The following SAMSN1 variants were observed in gnomAD, a reference collection of about 807,000 sequenced individuals.
The protein encoded by SAMSN1 is SAM domain, SH3 domain and nuclear localization signals 1, also known as SAM domain-containing protein SAMSN-1.
Under a neutral mutation model 42.0 loss-of-function variants are expected in SAMSN1, and 31 were observed. The observed-to-expected ratio is 0.74, with a 90% CI of 0.55 to 1.00. The LOEUF (loss-of-function observed/expected upper bound fraction) is 1.00. SAMSN1 is among the 50% of genes least tolerant of loss of function. The pLI, the probability that SAMSN1 is intolerant of heterozygous loss-of-function variation, is 0.00. For synonymous variants in SAMSN1, 178 were observed against 151.9 expected (o/e 1.17, Z -1.26); for missense variants, 464 against 439.4 (o/e 1.06, Z -0.50).
chr21:14,602,373 TA>T (rs1294195151), intron 5 of SAMSN1, among the ~76,000 whole-genome samples: 1 of 152,166 alleles, frequency 6.6e-6, no homozygotes, highest in Non-Finnish European at 1.5e-5. Context: ...CCTTTCTTGG[TA>T]ATAATAGGAT....
At chr21:14,498,249 G>A (rs1986991062) in intron 7 of SAMSN1, among the ~76,000 whole-genome samples, 193 bp downstream of exon 7, 2 of 152,142 alleles carry the variant, frequency 1.3e-5, no homozygotes, top group African/African-American at 4.8e-5. Flanking sequence ...GTCCAATAAG[G>A]AAATAAGTTC....
intron 2 of SAMSN1, chr21:14,582,049 A>G (rs1568818566): frequency 1.6e-6 from 2 of 1,238,226 alleles, no homozygotes; most frequent in Non-Finnish European, 2.2e-6. Flanking sequence ...GATAAATTTC[A>G]CTGATTAGCA....
intron 2 of SAMSN1, among the ~76,000 whole-genome samples, chr21:14,621,155 A>T (rs375072254): frequency 9.2e-5 from 14 of 152,192 alleles, no homozygotes; most frequent in African/African-American, 3.4e-4. Context: ...ATGATTATGA[A>T]ACTTCAAAGG....
intron 2 of SAMSN1, among the ~76,000 whole-genome samples, chr21:14,562,090 A>G (rs114347705): frequency 9.6e-4 from 147 of 152,362 alleles, no homozygotes; most frequent in African/African-American, 3.3e-3. Flanking sequence ...ACTATGCTCA[A>G]TAGTGTAGAG....
intron 2 of SAMSN1, among the ~76,000 whole-genome samples, chr21:14,639,185 A>G (rs1281658809): frequency 3.3e-5 from 5 of 152,190 alleles, no homozygotes; most frequent in Non-Finnish European, 5.9e-5. Context: ...GTTAGCCCCA[A>G]ATTGGCAGAG....
At chr21:14,494,555 C>G (rs1302201575) in intron 7 of SAMSN1, among the ~76,000 whole-genome samples, 1 of 152,004 alleles carries the variant, frequency 6.6e-6, no homozygotes, top group Non-Finnish European at 1.5e-5. Flanking sequence ...CACTGCTTGT[C>G]AGGGGGTGGG....
At chr21:14,562,260 T>A (rs1980970048) in intron 2 of SAMSN1, among the ~76,000 whole-genome samples, 1 of 152,202 alleles carries the variant, frequency 6.6e-6, no homozygotes, top group Non-Finnish European at 1.5e-5. Context: ...GAGATATACC[T>A]TTCTTCCAAT....
intron 1 of SAMSN1, among the ~76,000 whole-genome samples, chr21:14,529,344 C>T (rs193095104): frequency 6.6e-6 from 1 of 152,314 alleles, no homozygotes; most frequent in East Asian, 1.9e-4. Flanking sequence ...AAAAATCCTA[C>T]AGTCGTGAGA....
At position 14,503,976 on chromosome 21, in the gene SAMSN1, G is replaced by C. The variant is rs1384069159; in HGVS notation, c.562-3241C>G. Among the ~76,000 whole-genome samples the C allele has an allele frequency of 3.3e-5, 5 of 152,154 alleles. No individual in the cohort carries two copies. In the East Asian group the frequency reaches 9.6e-4, roughly 29 times the overall value. On this transcript the variant is annotated intron_variant, in intron 5 of 7. Transcript: ENST00000400566. ...TACCAGCCTGGAGCCTGGTAGACTA[G>C]TTGGGTGGCTAGATGTAGAAGACAG...
At chr21:14,593,277 G>C (rs1982146791) in intron 7 of SAMSN1, among the ~76,000 whole-genome samples, 1 of 152,078 alleles carries the variant, frequency 6.6e-6, no homozygotes, top group Non-Finnish European at 1.5e-5. Context: ...TACATTTTGG[G>C]AAGCAATGGT....
chr21:14,577,173 A>G (rs1354247537), intron 2 of SAMSN1, among the ~76,000 whole-genome samples: 1 of 123,920 alleles, frequency 8.1e-6, no homozygotes, highest in Non-Finnish European at 1.6e-5. Flanking sequence ...CTCCTGCCTC[A>G]GCCTCTCGAG....
rs546930039 is a variant in SAMSN1 at position 14,582,318 on chromosome 21, A to G, written c.79T>C (p.Leu27=). 1.2e-5 allele frequency: 19 copies of G among 1,550,640 alleles called. No individual in the cohort carries two copies. In the East Asian group the frequency reaches 4.2e-4, roughly 34 times the overall value. ...TAAGCTTCACCTTCATACCAAGCTAATTTATCTTCCAAGTTGCAGTTATTT... is the reference window on the plus strand; with the variant it reads ...TAAGCTTCACCTTCATACCAAGCTAGTTTATCTTCCAAGTTGCAGTTATTT... The change falls in exon 2 of 9, where the codon TTA becomes CTA. Residue 27 remains leucine (L), a synonymous_variant. Coordinates refer to the SAMSN1 transcript ENST00000285670.
intron 7 of SAMSN1, among the ~76,000 whole-genome samples, chr21:14,491,154 A>G (rs1986667503): frequency 1.3e-5 from 2 of 152,236 alleles, no homozygotes; most frequent in African/African-American, 2.4e-5. Flanking sequence ...ACCCATTTAC[A>G]TGATGAAGGA....
At chr21:14,549,939 A>AAC (rs1980545622), upstream of SAMSN1, among the ~76,000 whole-genome samples, 5 of 151,002 alleles carry the variant, frequency 3.3e-5, no homozygotes, top group Admixed American at 1.3e-4. Flanking sequence ...AAAAAAAAAA[A>AAC]CTCTTTCTTT....
At chr21:14,555,284 T>C (rs371227843) in intron 2 of SAMSN1, among the ~76,000 whole-genome samples, 19 of 152,254 alleles carry the variant, frequency 1.2e-4, no homozygotes, top group African/African-American at 4.3e-4. Context: ...TTTCTATCCT[T>C]CTCCCAAATC....
intron 1 of SAMSN1, among the ~76,000 whole-genome samples, chr21:14,657,375 G>A (rs1983933919): frequency 6.6e-6 from 1 of 151,780 alleles, no homozygotes; most frequent in Non-Finnish European, 1.5e-5. Flanking sequence ...TTGAGTCCAT[G>A]AGTCAGGACT....
intron 1 of SAMSN1, among the ~76,000 whole-genome samples, chr21:14,525,439 T>TA (rs1218812820): frequency 6.6e-6 from 1 of 152,080 alleles, no homozygotes; most frequent in Non-Finnish European, 1.5e-5. Flanking sequence ...CAAATCAATA[T>TA]AAAAAAATTT....
chr21:14,512,294 G>A (rs1242949872), intron 4 of SAMSN1, 150 bp downstream of exon 4: 2 of 787,598 alleles, frequency 2.5e-6, no homozygotes, highest in African/African-American at 1.7e-5. Context: ...TTAAACAATA[G>A]CAACTCTATA....
chr21:14,609,212 G>A (rs563861603), intron 5 of SAMSN1, among the ~76,000 whole-genome samples: 1 of 151,538 alleles, frequency 6.6e-6, no homozygotes, highest in Non-Finnish European at 1.5e-5. Flanking sequence ...CTTTTCAATT[G>A]CTTATTTGCT....
Sources: allele counts gnomAD v4.1 joint callset (sites outside exome capture counted in the v4.1 genomes callset), GRCh38; gene constraint gnomAD v4.1.1; transcripts MANE v1.5; gene names NCBI Gene and HGNC (gene_info 2026-07-23, HGNC 2026-07-21).